AGBL1: variants seen among roughly 807,000 people sequenced by gnomAD.
The protein encoded by AGBL1 is AGBL carboxypeptidase 1, also known as cytosolic carboxypeptidase 4.
In AGBL1, 130 loss-of-function variants were observed where a neutral mutation model predicts 118.9. That is an observed-to-expected ratio of 1.09 (90% confidence interval 0.95 to 1.26). AGBL1 has a LOEUF of 1.26. AGBL1 is among the 50% of genes most tolerant of loss of function. The pLI is 0.00. For missense variants in AGBL1, 1,584 were observed against 1,298.1 expected, an observed-to-expected ratio of 1.22 and a Z score of -3.38; for synonymous variants, 555 against 478.9, an observed-to-expected ratio of 1.16 and a Z score of -2.08.
chr15:86,677,199 T>C (rs144354237), intron 22 of AGBL1, among the ~76,000 whole-genome samples: 1 of 152,146 alleles, frequency 6.6e-6, no homozygotes, highest in African/African-American at 2.4e-5. Flanking sequence ...TAGAGTGTAC[T>C]CAATATCCAC....
intron 5 of AGBL1, among the ~76,000 whole-genome samples, chr15:86,196,034 A>G (rs1286273612): frequency 1.1e-4 from 17 of 152,216 alleles, no homozygotes; most frequent in Non-Finnish European, 2.4e-4. Context: ...CATTTTTTAA[A>G]AACCATAGGA....
At chr15:86,724,519 A>G (rs1466907324) in intron 22 of AGBL1, among the ~76,000 whole-genome samples, 1 of 152,162 alleles carries the variant, frequency 6.6e-6, no homozygotes, top group Non-Finnish European at 1.5e-5. Flanking sequence ...CCCAAAAATC[A>G]CAGCAGCAGG....
chr15:86,242,680 G>T (rs1234199756), intron 6 of AGBL1, among the ~76,000 whole-genome samples: 1 of 152,204 alleles, frequency 6.6e-6, no homozygotes, highest in Non-Finnish European at 1.5e-5. Context: ...TTACTTTGCT[G>T]CAGGCTCCTA....
chr15:86,550,339 A>G (rs1423188858), intron 20 of AGBL1, among the ~76,000 whole-genome samples: 2 of 152,186 alleles, frequency 1.3e-5, no homozygotes, highest in African/African-American at 2.4e-5. Context: ...CAGAGGTTGT[A>G]AGACCAGATT....
chr15:86,406,519 G>T (rs1276827641), intron 18 of AGBL1, among the ~76,000 whole-genome samples: 1 of 152,080 alleles, frequency 6.6e-6, no homozygotes, highest in East Asian at 1.9e-4. Context: ...CCTAAATTCA[G>T]GACTATTGCA....
chr15:86,207,109 T>C (rs1264549874), intron 5 of AGBL1, among the ~76,000 whole-genome samples: 1 of 152,210 alleles, frequency 6.6e-6, no homozygotes, highest in Non-Finnish European at 1.5e-5. Flanking sequence ...TTGTCAAAGA[T>C]CAGATTATTG....
At chr15:86,814,456 G>A (rs1404970539) in intron 22 of AGBL1, among the ~76,000 whole-genome samples, 2 of 152,182 alleles carry the variant, frequency 1.3e-5, no homozygotes, top group African/African-American at 4.8e-5. Flanking sequence ...ACATAGGATG[G>A]TCACAATGAA....
At chr15:86,558,820 C>T (rs567627836) in intron 21 of AGBL1, among the ~76,000 whole-genome samples, 12 of 152,278 alleles carry the variant, frequency 7.9e-5, no homozygotes, top group African/African-American at 2.9e-4. Context: ...CAGATCAGAG[C>T]AGGGTTTCTT....
chr15:86,285,142 G>A (rs1172155792), intron 16 of AGBL1, among the ~76,000 whole-genome samples: 1 of 152,048 alleles, frequency 6.6e-6, no homozygotes, highest in African/African-American at 2.4e-5. Flanking sequence ...AACCATTTTT[G>A]CAAAAGGAAA....
At chr15:86,680,975 T>C (rs1227413008) in intron 22 of AGBL1, among the ~76,000 whole-genome samples, 1 of 152,156 alleles carries the variant, frequency 6.6e-6, no homozygotes. Flanking sequence ...CTCACTTCTT[T>C]CTTTTCTCTT....
At chr15:86,718,437 A>G (rs1362375247) in intron 22 of AGBL1, among the ~76,000 whole-genome samples, 1 of 152,160 alleles carries the variant, frequency 6.6e-6, no homozygotes, top group Admixed American at 6.5e-5. Flanking sequence ...TCTAATGTAA[A>G]TGACGAGTTA....
rs145104397 is a variant in AGBL1, at chr15:86,178,177, G to A, written c.488+19151G>A. 2.9e-3 allele frequency among the ~76,000 whole-genome samples: 439 copies of A among 152,244 alleles called. 1 individual carries two copies. Among genetic ancestry groups the A allele is most frequent in the Middle Eastern group, 6.8e-3 (2 of 294 alleles). The stretch of plus-strand genomic sequence containing the variant: ...AAATACAAAAATTTAGTTGGGTGTG[G>A]TGGCACCTGCCCGTAATCCCAGCTA... On this transcript the variant is annotated intron_variant, in intron 5 of 22. Transcript: ENST00000614907.
chr15:86,227,583 G>C (rs76696516), intron 6 of AGBL1, among the ~76,000 whole-genome samples: 1 of 152,200 alleles, frequency 6.6e-6, no homozygotes, highest in East Asian at 1.9e-4. Context: ...CCCCATGGGG[G>C]GTGGACAGTA....
intron 22 of AGBL1, among the ~76,000 whole-genome samples, chr15:86,732,992 A>G (rs200578303): frequency 6.7e-6 from 1 of 148,966 alleles, no homozygotes; most frequent in East Asian, 1.9e-4. Context: ...GGAGATGGCT[A>G]TATATCTTAT....
At chr15:86,649,872 T>A (rs1430852231) in intron 21 of AGBL1, among the ~76,000 whole-genome samples, 1 of 152,192 alleles carries the variant, frequency 6.6e-6, no homozygotes. Context: ...CCTAATTGTA[T>A]TGTCCTTTAA....
chr15:86,152,505 A>G (rs2077126958), intron 3 of AGBL1, among the ~76,000 whole-genome samples: 1 of 152,252 alleles, frequency 6.6e-6, no homozygotes, highest in Non-Finnish European at 1.5e-5. Flanking sequence ...ACCTTGTACA[A>G]AAATTAATTC....
intron 23 of AGBL1, among the ~76,000 whole-genome samples, chr15:86,938,101 A>G (rs1029677797): frequency 2.0e-5 from 3 of 152,208 alleles, no homozygotes; most frequent in African/African-American, 7.2e-5. Context: ...ATCCATTCCA[A>G]GGCATGATTG....
rs1014042388 is a variant in AGBL1, at chr15:86,838,548, G to T, written c.3159-68539G>T. 2.0e-5 allele frequency among the ~76,000 whole-genome samples: 3 copies of T among 152,228 alleles called. No homozygotes were observed. The East Asian group carries it at 5.8e-4, about 29-fold the overall frequency. ...CTTAGCAAGTTCACCATGATCTAAGGCTGGGTTCTCAGATTTTGGGGTGCC... is the reference window on the plus strand; with the variant it reads ...CTTAGCAAGTTCACCATGATCTAAGTCTGGGTTCTCAGATTTTGGGGTGCC... On this transcript the variant is annotated intron_variant, in intron 22 of 22. Coordinates refer to ENST00000614907, the MANE Select transcript of AGBL1 (RefSeq NM_001386094.1).
chr15:86,543,238 T>A (rs2083529393), intron 19 of AGBL1, among the ~76,000 whole-genome samples: 1 of 148,558 alleles, frequency 6.7e-6, no homozygotes. Context: ...AATTAGAGTC[T>A]ACCTTGAGAT....
Sources: gnomAD v4.1 joint callset for allele counts (sites outside exome capture counted in the v4.1 genomes callset) on GRCh38, gnomAD v4.1.1 for gene constraint, MANE v1.5 for transcripts, NCBI Gene and HGNC (gene_info 2026-07-23, HGNC 2026-07-21) for gene names.